ADAP1: variants seen among roughly 807,000 people sequenced by gnomAD.
ADAP1 encodes the protein arf-GAP with dual PH domain-containing protein 1.
A neutral mutation model predicts 54.9 loss-of-function variants in ADAP1; 31 were observed. That is an observed-to-expected ratio of 0.56 (90% CI 0.42 to 0.76). The LOEUF is 0.76. Among genes scored for constraint, ADAP1 ranks in the 30% least tolerant of loss-of-function variants. The pLI, the probability that ADAP1 is intolerant of heterozygous loss-of-function variation, is 0.00. For synonymous variants in ADAP1, 313 were observed against 202.6 expected, an observed-to-expected ratio of 1.55 and a Z score of -4.63; for missense variants, 535 against 512.4, an observed-to-expected ratio of 1.04 and a Z score of -0.42.
chr7:900,511 T>G, intron 7 of ADAP1, 22 bp downstream of exon 7: 1 of 1,532,014 alleles, frequency 6.5e-7, no homozygotes, highest in Non-Finnish European at 8.9e-7. Context: ...GCCCTGGAGC[T>G]GACCGCAGGG....
At chr7:913,471 G>C (rs1845807677) in intron 4 of ADAP1, among the ~76,000 whole-genome samples, 1 of 152,064 alleles carries the variant, frequency 6.6e-6, no homozygotes, top group African/African-American at 2.4e-5. Context: ...AAAGTGCTGG[G>C]ATTACAGGCG....
intron 2 of ADAP1, among the ~76,000 whole-genome samples, chr7:929,291 C>CAA (rs761570809): frequency 6.3e-5 from 6 of 95,996 alleles, no homozygotes; most frequent in South Asian, 3.4e-4. Context: ...GACTCCATCT[C>CAA]AAAAAAAAAA....
At chr7:901,012 A>G (rs1203856090) in intron 6 of ADAP1, 1 of 480,876 alleles carries the variant, frequency 2.1e-6, no homozygotes, top group African/African-American at 2.0e-5. Context: ...GAAGATCCTT[A>G]TTTTGTAGCT....
intron 4 of ADAP1, among the ~76,000 whole-genome samples, chr7:915,382 G>A (rs146171950): frequency 6.6e-6 from 1 of 152,226 alleles, no homozygotes; most frequent in Non-Finnish European, 1.5e-5. Flanking sequence ...CATGCGGCCT[G>A]GTCTCCACAG....
In ADAP1 at chr7:942,428, G is replaced by A. The variant is rs1047048477; in HGVS notation, c.83-6923C>T. Among the ~76,000 whole-genome samples the A allele has an allele frequency of 1.3e-3, 123 of 97,410 alleles. 1 individual carries two copies. The highest frequency in any genetic ancestry group is 1.6e-3 in the Non-Finnish European group (74 of 45,638). 63.9% of individuals were successfully genotyped at this position (97,410 alleles called of 152,430 possible). A position where few individuals can be genotyped will look rare whatever the true frequency, so the allele number is the denominator to read the frequency against. On this transcript the variant is annotated intron_variant, in intron 1 of 10. Transcript: ENST00000265846. ...GAGAGGAGGAGGAAGGGAGAGAGGAGGAGGAAGGGAGAGAGGAGGAGGAAG... is the reference window on the plus strand; with the variant it reads ...GAGAGGAGGAGGAAGGGAGAGAGGAAGAGGAAGGGAGAGAGGAGGAGGAAG...
intron 4 of ADAP1, among the ~76,000 whole-genome samples, chr7:917,511 C>T (rs1370347783): frequency 2.6e-5 from 4 of 152,228 alleles, no homozygotes; most frequent in African/African-American, 9.7e-5. Context: ...GCCGCCCAGG[C>T]TGGAGTGCAG....
intron 2 of ADAP1, among the ~76,000 whole-genome samples, chr7:930,399 C>T (rs10480059): frequency 0.65 from 73,656 of 113,582 alleles, 23,250 homozygotes; most frequent in African/African-American, 0.82. Context: ...AACACAGGGC[C>T]GGGCGCGGTG....
rs549287856 is a variant in ADAP1 at position 898,989 on chromosome 7, G to T, written c.1097-40C>A. On this transcript the variant is annotated intron_variant, in intron 10 of 10. Transcript: ENST00000265846. ...GGTCCAGCGTTGTCACAGCGGCGGG[G>T]AGCTGGGAGCCCTTCCAGGCCGCCG... 25 of 1,610,242 alleles carry T rather than the reference G, an allele frequency of 1.6e-5. No individual in the cohort carries two copies. In the Middle Eastern group the frequency reaches 6.6e-4, roughly 43 times the overall value.
Position 905,096 on chromosome 7 carries a change from T to A in ADAP1, c.465A>T (p.Glu155Asp). 1.2e-6 allele frequency: 2 copies of A among 1,612,332 alleles called. No homozygotes were observed. The highest frequency in any genetic ancestry group is 2.2e-5 in the East Asian group (1 of 44,886). Residue 155 changes from glutamate to aspartate, a missense_variant, in exon 5 of 11, where the codon GAA (glutamate) becomes GAT (aspartate). Physicochemically the swap from Glu to Asp is conservative, Grantham distance 45. Transcript: ENST00000265846. ...QFLSRKFVLTEREGALKYFNR... is the reference protein window; with the variant it reads ...QFLSRKFVLTDREGALKYFNR... ...TGAAATACTTCAGAGCACCCTCTCG[T>A]TCTGTCAGCACAAACTTCCGGCTCA... is the stretch of plus-strand genomic sequence containing the variant.
chr7:915,141 C>A (rs2128102585), intron 4 of ADAP1, among the ~76,000 whole-genome samples: 1 of 55,848 alleles, frequency 1.8e-5, no homozygotes, highest in Non-Finnish European at 3.4e-5. Flanking sequence ...GACCCCATGC[C>A]CTCTGCAAGA....
rs1253214146 is a variant in ADAP1 at position 905,423 on chromosome 7, AAGG to A, written c.389-254_389-252del. ...GAGAAAGGAGAAAGGGAGAAAGAGA[AAGG>A]AGAAAGGAGAAAGGGAGAAAGGGAG... On this transcript the variant is annotated intron_variant, in intron 4 of 10. Transcript: ENST00000265846. The A allele has an allele frequency of 2.5e-5, 4 of 161,780 alleles. No homozygotes were observed. In the South Asian group the frequency reaches 3.2e-4, roughly 13 times the overall value. The allele number at this position is 161,780 out of a possible 1,614,324, so 10.0% of individuals were successfully genotyped here.
rs1846171839 is a variant in ADAP1, at chr7:920,945, C to T, written c.306-895G>A. On this transcript the variant is annotated intron_variant, in intron 3 of 10. Coordinates refer to ENST00000265846, the MANE Select transcript of ADAP1 (RefSeq NM_006869.4). The surrounding 1 kb of genome is among the most constrained non-coding windows in gnomAD (Gnocchi z 4.5). ...TTCCTGCTGGGCCCACGTGAACAGC[C>T]TTGGAGACTGGGCGGGAATCCTCGC... 27 of 1,375,186 alleles carry T rather than the reference C, an allele frequency of 2.0e-5. No individual in the cohort carries two copies. The highest frequency in any genetic ancestry group is 1.8e-4 in the South Asian group (14 of 78,786). The allele number at this position is 1,375,186 out of a possible 1,614,324, so 85.2% of individuals were successfully genotyped here. A position where few individuals can be genotyped will look rare whatever the true frequency, so the allele number is the denominator to read the frequency against.
chr7:905,703 A>AAAGGAGAAAGG (rs1562912658), intron 4 of ADAP1: 1 of 13,838 alleles, frequency 7.2e-5, no homozygotes, highest in African/African-American at 6.7e-4. Flanking sequence ...AGGAGAAAGG[A>AAAGGAGAAAGG]GAAAGGAGAA....
intron 2 of ADAP1, chr7:927,204 A>C (rs1483534099): frequency 6.2e-6 from 8 of 1,281,014 alleles, no homozygotes; most frequent in Non-Finnish European, 8.2e-6. Flanking sequence ...AAACAGGCTG[A>C]GGGAGAAGGA....
At chr7:906,900 C>G (rs1845485698) in intron 4 of ADAP1, among the ~76,000 whole-genome samples, 1 of 151,764 alleles carries the variant, frequency 6.6e-6, no homozygotes, top group Non-Finnish European at 1.5e-5. Context: ...CCAAGCCAGC[C>G]TGAGGACGGC....
At chr7:921,433 G>A (rs1562926778) in intron 3 of ADAP1, among the ~76,000 whole-genome samples, 1 of 152,224 alleles carries the variant, frequency 6.6e-6, no homozygotes, top group Non-Finnish European at 1.5e-5. Context: ...GGATCCTCCT[G>A]CCTCGGCTTC....
rs933234718 is a variant in ADAP1, at chr7:946,498, G to A, written c.82+7898C>T. On this transcript the variant is annotated intron_variant, in intron 1 of 10. Coordinates refer to ENST00000265846, the MANE Select transcript of ADAP1 (RefSeq NM_006869.4). The surrounding 1 kb of genome is among the most constrained non-coding windows in gnomAD (Gnocchi z 4.3). Reference sequence around the variant, plus strand: ...CCCCTCTCCTGGATCCCTCCCAGCAGCACCCGGACACAGTCCATTTTCAGA... The same window carrying A: ...CCCCTCTCCTGGATCCCTCCCAGCAACACCCGGACACAGTCCATTTTCAGA... Among the ~76,000 whole-genome samples the A allele has an allele frequency of 1.3e-5, 2 of 152,186 alleles. No individual in the cohort carries two copies. The highest frequency in any genetic ancestry group is 1.3e-4 in the Admixed American group (2 of 15,286).
chr7:955,025 G>T (rs1205811233), upstream of ADAP1, among the ~76,000 whole-genome samples: 1 of 152,206 alleles, frequency 6.6e-6, no homozygotes, highest in East Asian at 1.9e-4. Context: ...TGGAAGGCAG[G>T]TGTGCGTGTC....
intron 2 of ADAP1, among the ~76,000 whole-genome samples, chr7:931,162 G>A (rs895690400): frequency 6.6e-6 from 1 of 151,874 alleles, no homozygotes; most frequent in Non-Finnish European, 1.5e-5. Context: ...AAGGAGGGAG[G>A]GAGGGAGCGA....
Sources: gnomAD v4.1 joint callset for allele counts (sites outside exome capture counted in the v4.1 genomes callset) on GRCh38, gnomAD v4.1.1 for gene constraint, Gnocchi (gnomAD v3.1) non-coding constraint, MANE v1.5 for transcripts, NCBI Gene and HGNC (gene_info 2026-07-23, HGNC 2026-07-21) for gene names.